RASAL2: variants seen among roughly 807,000 people sequenced by gnomAD.
RASAL2 encodes the protein ras GTPase-activating protein nGAP.
A neutral mutation model predicts 128.9 loss-of-function variants in RASAL2; 58 were observed. The ratio of observed to expected loss-of-function variants is 0.45; its 90% CI spans 0.36 to 0.56. The LOEUF is 0.56. RASAL2 is among the 20% of genes least tolerant of loss of function. The probability of loss-of-function intolerance (pLI) is 0.00; values close to 1 mark genes in which losing one functional copy is unlikely to be tolerated. For synonymous variants in RASAL2, 561 were observed against 580.8 expected (o/e 0.97, Z 0.49); for missense variants, 1,360 against 1,601.6 (o/e 0.85, Z 2.57).
chr1:178,466,479 T>C (rs1647712880), intron 16 of RASAL2, among the ~76,000 whole-genome samples: 1 of 152,206 alleles, frequency 6.6e-6, no homozygotes, highest in Admixed American at 6.5e-5. Context: ...ATGGAATATC[T>C]TTAGGGCCAG....
intron 1 of RASAL2, among the ~76,000 whole-genome samples, chr1:178,095,047 G>C (rs1426691337): frequency 6.6e-6 from 1 of 152,112 alleles, no homozygotes; most frequent in Non-Finnish European, 1.5e-5. Context: ...ATGGATTTTC[G>C]TCTCTTTTTA....
intron 1 of RASAL2, among the ~76,000 whole-genome samples, chr1:178,114,370 C>G (rs1017952979): frequency 6.6e-6 from 1 of 151,982 alleles, no homozygotes; most frequent in African/African-American, 2.4e-5. Context: ...TAAAGATGTT[C>G]CCTCCTATTT....
At chr1:178,382,201 A>G (rs1571967990) in intron 3 of RASAL2, among the ~76,000 whole-genome samples, 1 of 152,160 alleles carries the variant, frequency 6.6e-6, no homozygotes, top group East Asian at 1.9e-4. Context: ...AGGGATCAGT[A>G]TTAGATATTC....
At chr1:178,464,678 A>C (rs1189999161) in intron 15 of RASAL2, among the ~76,000 whole-genome samples, 1 of 151,804 alleles carries the variant, frequency 6.6e-6, no homozygotes, top group Non-Finnish European at 1.5e-5. Context: ...GCCTTAATCT[A>C]GAGGACACTC....
intron 3 of RASAL2, among the ~76,000 whole-genome samples, chr1:178,309,129 A>T (rs566454515): frequency 1.3e-5 from 2 of 152,266 alleles, no homozygotes; most frequent in East Asian, 1.9e-4. Context: ...CTTGAACTTT[A>T]TGGTGATATA....
chr1:178,166,058 G>C (rs1300284107), intron 1 of RASAL2, among the ~76,000 whole-genome samples: 1 of 152,068 alleles, frequency 6.6e-6, no homozygotes, highest in Non-Finnish European at 1.5e-5. Flanking sequence ...CAGTTTCCCT[G>C]TAAGTGTTCC....
intron 3 of RASAL2, among the ~76,000 whole-genome samples, chr1:178,374,410 T>C (rs1000347232): frequency 1.3e-5 from 2 of 152,082 alleles, no homozygotes; most frequent in African/African-American, 2.4e-5. Context: ...TTATGCTTTC[T>C]TTGCCTAAGG....
At chr1:178,456,650 G>C (rs762864944) in intron 12 of RASAL2, 71 bp from the exon 13 acceptor site, 2 of 1,541,836 alleles carry the variant, frequency 1.3e-6, no homozygotes, top group South Asian at 2.2e-5. Flanking sequence ...GGCCATCGTT[G>C]TGCCAAAAAC....
chr1:178,100,862 C>A lies in RASAL2; in HGVS notation c.202+6168C>A, dbSNP rs144278109. Among the ~76,000 whole-genome samples, 24 of 152,264 alleles carry A rather than the reference C, an allele frequency of 1.6e-4. No homozygotes were observed. In the East Asian group the frequency reaches 4.6e-3, roughly 29 times the overall value. On this transcript the variant is annotated intron_variant, in intron 1 of 17. Transcript: ENST00000367649. ...AAACTTCAGCTGTTTGCTCCCTTGT[C>A]CCTCCCTATTGGAAAAACTTTTAAC...
intron 1 of RASAL2, among the ~76,000 whole-genome samples, chr1:178,264,181 C>G (rs1462954249): frequency 6.6e-6 from 1 of 152,146 alleles, no homozygotes; most frequent in African/African-American, 2.4e-5. Context: ...AAAGTCAGTT[C>G]TGCGAGGATT....
intron 3 of RASAL2, chr1:178,372,042 C>G: frequency 2.1e-6 from 1 of 475,048 alleles, no homozygotes; most frequent in Non-Finnish European, 2.7e-6. Context: ...ATTTCTTTCC[C>G]CCTCCCCCTG....
At chr1:178,456,986 A>G in intron 13 of RASAL2, 87 bp downstream of exon 13, 1 of 1,387,320 alleles carries the variant, frequency 7.2e-7, no homozygotes, top group South Asian at 1.3e-5. Context: ...TGTTGAATTT[A>G]CAAGTTTAAA....
At chr1:178,299,068 G>A (rs982533557) in intron 2 of RASAL2, among the ~76,000 whole-genome samples, 9 of 151,772 alleles carry the variant, frequency 5.9e-5, no homozygotes, top group African/African-American at 9.7e-5. Context: ...GCAAATAACC[G>A]CTTGATATGT....
intron 1 of RASAL2, among the ~76,000 whole-genome samples, chr1:178,183,198 G>A (rs1662175638): frequency 6.6e-6 from 1 of 152,104 alleles, no homozygotes; most frequent in Non-Finnish European, 1.5e-5. Context: ...CTAGTTTCCA[G>A]GGTTACTTAG....
At chr1:178,391,062 C>A (rs1230923689) in intron 4 of RASAL2, among the ~76,000 whole-genome samples, 1 of 152,108 alleles carries the variant, frequency 6.6e-6, no homozygotes, top group Non-Finnish European at 1.5e-5. Context: ...TTAAGAAAAA[C>A]CTTGAAAGAA....
Position 178,260,364 on chromosome 1 carries a change from ATATATATATATAT to A in RASAL2, c.203-23199_203-23187del, listed in dbSNP as rs1225567964. Among the ~76,000 whole-genome samples the A allele has an allele frequency of 4.2e-3, 82 of 19,618 alleles. 22 individuals are homozygous for A. Among genetic ancestry groups the A allele is most frequent in the Non-Finnish European group, 6.1e-3 (62 of 10,108 alleles). 12.9% of individuals were successfully genotyped at this position (19,618 alleles called of 152,430 possible). A position where few individuals can be genotyped will look rare whatever the true frequency, so the allele number is the denominator to read the frequency against. On this transcript the variant is annotated intron_variant, in intron 1 of 17. Transcript: ENST00000367649. ...GAGACTCGTCTCAAAAAAAAAAAAA[ATATATATATATAT>A]ATATATATATATATATATATATATA...
chr1:178,420,542 T>A lies in RASAL2; in HGVS notation c.596T>A (p.Ile199Asn). 1 of 1,613,106 alleles carries A rather than the reference T, an allele frequency of 6.2e-7. No individual in the cohort carries two copies. Among genetic ancestry groups the A allele is most frequent in the Non-Finnish European group, 8.5e-7 (1 of 1,179,418 alleles). Residue 199 changes from isoleucine to asparagine, a missense_variant, in exon 5 of 18, where the codon ATC (isoleucine) becomes AAC (asparagine). Ile to Asn is a moderately radical substitution (Grantham distance 149). Coordinates refer to ENST00000367649, the MANE Select transcript of RASAL2 (RefSeq NM_170692.4). ...GFFSKRLKGS[I>N]KRTKSQSKLD... ...TTCAGCAAGCGCCTGAAAGGCTCCA[T>A]CAAGAGGACCAAAAGCCAGTCAAAG...
At chr1:178,257,847 GAA>G (rs71108038) in intron 1 of RASAL2, among the ~76,000 whole-genome samples, 3 of 128,068 alleles carry the variant, frequency 2.3e-5, no homozygotes, top group Admixed American at 7.7e-5. Flanking sequence ...TCTCAAAAAA[GAA>G]AAAAAAAAAA....
chr1:178,132,866 T>G (rs1484045472), intron 1 of RASAL2, among the ~76,000 whole-genome samples: 1 of 151,502 alleles, frequency 6.6e-6, no homozygotes, highest in East Asian at 1.9e-4. Context: ...CCTCCCGGGT[T>G]CAAGCGATTC....
Sources: gnomAD v4.1 joint callset for allele counts (sites outside exome capture counted in the v4.1 genomes callset) on GRCh38, gnomAD v4.1.1 for gene constraint, MANE v1.5 for transcripts, NCBI Gene and HGNC (gene_info 2026-07-23, HGNC 2026-07-21) for gene names.